Variants in NCAM1 observed in about 807,000 individuals in gnomAD.
The protein encoded by NCAM1 is antigen recognized by monoclonal antibody 5.1H11.
A neutral mutation model predicts 109.8 loss-of-function variants in NCAM1; 14 were observed. That is an observed-to-expected ratio of 0.13 (90% CI 0.08 to 0.20). NCAM1 has a LOEUF of 0.20. NCAM1 is among the 10% of genes least tolerant of loss of function. The pLI is 1.00. For synonymous variants in NCAM1, 418 were observed against 442.9 expected (o/e 0.94, Z 0.70); for missense variants, 774 against 1,109.9 (o/e 0.70, Z 4.30).
chr11:113,103,749 A>T (rs1328071972), intron 1 of NCAM1, among the ~76,000 whole-genome samples: 1 of 152,150 alleles, frequency 6.6e-6, no homozygotes, highest in Non-Finnish European at 1.5e-5. Context: ...TGCAGGCCAT[A>T]TGGTCTCTGC....
At chr11:113,060,333 T>G (rs1406558782) in intron 1 of NCAM1, among the ~76,000 whole-genome samples, 5 of 152,196 alleles carry the variant, frequency 3.3e-5, no homozygotes, top group Non-Finnish European at 7.3e-5. Flanking sequence ...TGAACTAAAT[T>G]TGGGTATTTA....
Position 112,961,469 on chromosome 11 carries a change from A to G in NCAM1, c.-144A>G, listed in dbSNP as rs782211394. The G allele has an allele frequency of 1.3e-6, 1 of 783,420 alleles. No homozygotes were observed. Among genetic ancestry groups the G allele is most frequent in the East Asian group, 2.4e-5 (1 of 41,094 alleles). 48.5% of individuals were successfully genotyped at this position (783,420 alleles called of 1,614,324 possible). A position where few individuals can be genotyped will look rare whatever the true frequency, so the allele number is the denominator to read the frequency against. On this transcript the variant is annotated 5_prime_UTR_variant, in exon 1 of 20. Coordinates refer to ENST00000316851, the MANE Select transcript of NCAM1 (RefSeq NM_181351.5). ...ACGCAGCTCGGCTGCCGCTGGCAGG[A>G]AACAATTCTGCAAAAATAATCATAC... is the stretch of plus-strand genomic sequence containing the variant.
At chr11:113,234,227 T>A (rs1555117822) in intron 13 of NCAM1, among the ~76,000 whole-genome samples, 1 of 150,956 alleles carries the variant, frequency 6.6e-6, no homozygotes, top group African/African-American at 2.4e-5. Flanking sequence ...TTGTGGCAGG[T>A]TGATCTCATG....
At chr11:113,067,385 A>G (rs1938018084) in intron 1 of NCAM1, among the ~76,000 whole-genome samples, 1 of 152,240 alleles carries the variant, frequency 6.6e-6, no homozygotes, top group African/African-American at 2.4e-5. Context: ...GGAAAACCAC[A>G]TAAGCAGACA....
chr11:112,981,703 G>T (rs1403615029), intron 1 of NCAM1, among the ~76,000 whole-genome samples: 1 of 151,838 alleles, frequency 6.6e-6, no homozygotes, highest in Non-Finnish European at 1.5e-5. Flanking sequence ...CTTAGAGTAG[G>T]CATGCAGAGG....
At chr11:113,158,530 C>T (rs1228761879) in intron 1 of NCAM1, among the ~76,000 whole-genome samples, 2 of 152,180 alleles carry the variant, frequency 1.3e-5, no homozygotes, top group East Asian at 1.9e-4. Context: ...TCATGACATG[C>T]TCCCACCTTT....
intron 4 of NCAM1, 72 bp downstream of exon 4, chr11:113,205,738 G>T (rs1334846651): frequency 1.3e-6 from 2 of 1,537,428 alleles, no homozygotes; most frequent in Non-Finnish European, 1.8e-6. Context: ...CACCTGTACT[G>T]AGGCATTCCA....
chr11:113,008,344 G>A (rs1951943971), intron 1 of NCAM1, among the ~76,000 whole-genome samples: 1 of 152,154 alleles, frequency 6.6e-6, no homozygotes, highest in African/African-American at 2.4e-5. Flanking sequence ...CTTGCAAGCT[G>A]AGGAGATCTC....
chr11:113,051,630 A>G (rs1953495894), intron 1 of NCAM1, among the ~76,000 whole-genome samples: 1 of 152,214 alleles, frequency 6.6e-6, no homozygotes, highest in Non-Finnish European at 1.5e-5. Context: ...ATATTGTAGT[A>G]TAAACTATTT....
At chr11:113,076,680 T>G (rs1241467323) in intron 1 of NCAM1, among the ~76,000 whole-genome samples, 1 of 152,144 alleles carries the variant, frequency 6.6e-6, no homozygotes, top group East Asian at 1.9e-4. Flanking sequence ...CAAAATAAAG[T>G]AAGATATTTA....
chr11:113,022,920 C>T (rs1952433456), intron 1 of NCAM1, among the ~76,000 whole-genome samples: 1 of 152,160 alleles, frequency 6.6e-6, no homozygotes, highest in African/African-American at 2.4e-5. Flanking sequence ...ATAATCTTTT[C>T]TTCCCTATGA....
At chr11:113,037,172 G>C (rs1952914108) in intron 1 of NCAM1, among the ~76,000 whole-genome samples, 1 of 152,114 alleles carries the variant, frequency 6.6e-6, no homozygotes. Flanking sequence ...GATTCACAAA[G>C]TGCTCCCACA....
intron 1 of NCAM1, among the ~76,000 whole-genome samples, chr11:113,127,856 C>A (rs1281311826): frequency 6.6e-6 from 1 of 152,144 alleles, no homozygotes. Flanking sequence ...GTATGTGGAA[C>A]TCAGAACATA....
At chr11:112,989,460 TTTTTA>T (rs1555070254) in intron 1 of NCAM1, among the ~76,000 whole-genome samples, 1 of 152,198 alleles carries the variant, frequency 6.6e-6, no homozygotes, top group Non-Finnish European at 1.5e-5. Flanking sequence ...GCTTGGTTCT[TTTTTA>T]TTTTATGTTT....
At chr11:113,028,416 G>A (rs1202529276) in intron 1 of NCAM1, among the ~76,000 whole-genome samples, 1 of 152,076 alleles carries the variant, frequency 6.6e-6, no homozygotes, top group Non-Finnish European at 1.5e-5. Flanking sequence ...AATCACACCT[G>A]TATAAAAGAC....
intron 1 of NCAM1, among the ~76,000 whole-genome samples, chr11:113,070,356 G>A (rs782562497): frequency 2.6e-5 from 4 of 152,100 alleles, no homozygotes; most frequent in Non-Finnish European, 5.9e-5. Flanking sequence ...GTGCCTTTGG[G>A]ATTAAAGGAA....
rs114867360 is a variant in NCAM1 at position 113,213,352 on chromosome 11, T to C, written c.917-1017T>C. On this transcript the variant is annotated intron_variant, in intron 7 of 19. Coordinates refer to ENST00000316851, the MANE Select transcript of NCAM1 (RefSeq NM_181351.5). ...GTTCAGCAATTTCAGAGCATAATTG[T>C]TTTAAATTGGGAAAATTCAATTTTC... Among the ~76,000 whole-genome samples the C allele has an allele frequency of 3.9e-3, 591 of 152,356 alleles. 4 individuals are homozygous for C. The highest frequency in any genetic ancestry group is 0.014 in the African/African-American group (565 of 41,584).
chr11:113,110,440 T>C (rs1158545113), intron 1 of NCAM1, among the ~76,000 whole-genome samples: 1 of 152,222 alleles, frequency 6.6e-6, no homozygotes, highest in African/African-American at 2.4e-5. Flanking sequence ...TTTGGCTAGC[T>C]TTATAATTGA....
intron 1 of NCAM1, among the ~76,000 whole-genome samples, chr11:113,062,230 C>T (rs1398078791): frequency 6.6e-6 from 1 of 152,144 alleles, no homozygotes; most frequent in Non-Finnish European, 1.5e-5. Flanking sequence ...AAACCTTGTA[C>T]CCATTAAGTG....
Sources: gnomAD v4.1 joint callset for allele counts (sites outside exome capture counted in the v4.1 genomes callset) on GRCh38, gnomAD v4.1.1 for gene constraint, MANE v1.5 for transcripts, NCBI Gene and HGNC (gene_info 2026-07-23, HGNC 2026-07-21) for gene names.